The following CBFA2T2 variants were observed in gnomAD, a reference collection of about 807,000 sequenced individuals.
CBFA2T2 encodes the protein CBFA2/RUNX1 partner transcriptional co-repressor 2.
CBFA2T2 carries 11 observed loss-of-function variants against 62.2 expected under a neutral mutation model. The observed-to-expected ratio is 0.18, with a 90% CI of 0.11 to 0.29. The LOEUF is 0.29. CBFA2T2 is among the 10% of genes least tolerant of loss of function. The pLI is 1.00. For missense variants in CBFA2T2, 592 were observed against 774.1 expected, an observed-to-expected ratio of 0.76 and a Z score of 2.79; for synonymous variants, 295 against 287.5, an observed-to-expected ratio of 1.03 and a Z score of -0.27.
At chr20:33,516,519 A>G (rs2146858276) in intron 1 of CBFA2T2, among the ~76,000 whole-genome samples, 2 of 152,104 alleles carry the variant, frequency 1.3e-5, no homozygotes, top group Non-Finnish European at 2.9e-5. Flanking sequence ...TCACGCCTAT[A>G]ATCCTAGACT....
intron 1 of CBFA2T2, among the ~76,000 whole-genome samples, chr20:33,593,784 T>G (rs936676658): frequency 1.0e-5 from 1 of 99,448 alleles, no homozygotes; most frequent in East Asian, 5.1e-4. Context: ...CATTCACTCA[T>G]GAAAGAGTAA....
At chr20:33,530,386 A>T (rs902014428) in intron 1 of CBFA2T2, among the ~76,000 whole-genome samples, 1 of 152,174 alleles carries the variant, frequency 6.6e-6, no homozygotes, top group African/African-American at 2.4e-5. Context: ...CCAGCAAAAT[A>T]GCCTGATTGA....
At chr20:33,575,215 T>C (rs561931794) in intron 1 of CBFA2T2, among the ~76,000 whole-genome samples, 12 of 152,364 alleles carry the variant, frequency 7.9e-5, no homozygotes, top group South Asian at 2.1e-4. Context: ...GAAACACTTA[T>C]TTTCTAGTCA....
intron 1 of CBFA2T2, among the ~76,000 whole-genome samples, chr20:33,549,036 A>G (rs1231569128): frequency 6.6e-6 from 1 of 152,204 alleles, no homozygotes; most frequent in East Asian, 1.9e-4. Context: ...AGAATGAGCT[A>G]TATAAAAGTG....
intron 9 of CBFA2T2, among the ~76,000 whole-genome samples, chr20:33,640,107 G>A (rs534887157): frequency 7.9e-5 from 12 of 152,338 alleles, no homozygotes; most frequent in African/African-American, 2.6e-4. Flanking sequence ...AGTCAGGAGA[G>A]TGTGGCCTGT....
chr20:33,606,838 A>G, intron 1 of CBFA2T2, 118 bp from the exon 2 acceptor site: 1 of 877,304 alleles, frequency 1.1e-6, no homozygotes. Flanking sequence ...TTAGGGGGTC[A>G]CTATTCAGCC....
At chr20:33,592,712 T>C (rs2014714757) in intron 1 of CBFA2T2, among the ~76,000 whole-genome samples, 1 of 151,834 alleles carries the variant, frequency 6.6e-6, no homozygotes, top group African/African-American at 2.4e-5. Flanking sequence ...ACAAAATTCA[T>C]GCAACATTAC....
At chr20:33,589,740 C>T (rs1271385461) in intron 1 of CBFA2T2, among the ~76,000 whole-genome samples, 1 of 152,152 alleles carries the variant, frequency 6.6e-6, no homozygotes. Context: ...TGAATCCAGC[C>T]ACTGCCTCAT....
intron 2 of CBFA2T2, among the ~76,000 whole-genome samples, chr20:33,608,059 C>T (rs2015401240): frequency 6.6e-6 from 1 of 152,176 alleles, no homozygotes; most frequent in African/African-American, 2.4e-5. Flanking sequence ...TAATTTAGTA[C>T]ATCTTTTGGA....
At position 33,648,558 on chromosome 20, in the gene CBFA2T2, A is replaced by C. The variant is rs1267386274; in HGVS notation, c.*3912A>C. The C allele has an allele frequency of 6.6e-6, 1 of 152,198 alleles. No individual in the cohort carries two copies. Among genetic ancestry groups the C allele is most frequent in the African/African-American group, 2.4e-5 (1 of 41,422 alleles). The allele number at this position is 152,198 out of a possible 1,614,324, so 9.4% of individuals were successfully genotyped here. ...ACTTCGGGAGGTGGGGGCACTCCACACTGGGGGGCCCTGCAGCTCCAGGGC... is the reference window on the plus strand; with the variant it reads ...ACTTCGGGAGGTGGGGGCACTCCACCCTGGGGGGCCCTGCAGCTCCAGGGC... On this transcript the variant is annotated 3_prime_UTR_variant, in exon 11 of 11. Transcript: ENST00000342704.
chr20:33,547,687 ATGTGTGTGTGTGTGTGTGTGTG>A (rs60988030), intron 1 of CBFA2T2, among the ~76,000 whole-genome samples: 2 of 139,072 alleles, frequency 1.4e-5, no homozygotes, highest in African/African-American at 2.7e-5. Flanking sequence ...TCTCAAAAAA[ATGTGTGTGTGTGTGTGTGTGTG>A]TGTGTGTGTG....
At chr20:33,598,290 G>A (rs1601035289) in intron 1 of CBFA2T2, among the ~76,000 whole-genome samples, 1 of 152,100 alleles carries the variant, frequency 6.6e-6, no homozygotes, top group South Asian at 2.1e-4. Context: ...GAGCACTATG[G>A]GAGACTGGGG....
chr20:33,494,369 C>G (rs2011178020), intron 1 of CBFA2T2, among the ~76,000 whole-genome samples: 1 of 138,918 alleles, frequency 7.2e-6, no homozygotes, highest in African/African-American at 2.7e-5. Context: ...GCAAGCTCCA[C>G]CTCCTGGGTT....
At chr20:33,616,840 C>T (rs893028343) in intron 3 of CBFA2T2, among the ~76,000 whole-genome samples, 12 of 152,150 alleles carry the variant, frequency 7.9e-5, no homozygotes, top group African/African-American at 2.9e-4. Flanking sequence ...TACCTCTCAA[C>T]GTTCTTCTCT....
chr20:33,491,369 T>C (rs2011145465), intron 1 of CBFA2T2, among the ~76,000 whole-genome samples: 2 of 152,048 alleles, frequency 1.3e-5, no homozygotes, highest in Admixed American at 1.3e-4. Flanking sequence ...GATAAACATG[T>C]TTTGCATGTT....
intron 8 of CBFA2T2, among the ~76,000 whole-genome samples, chr20:33,633,378 AAAT>A (rs1264261985): frequency 0.017 from 673 of 39,198 alleles, 6 homozygotes; most frequent in African/African-American, 0.11. Flanking sequence ...CGCAAAAAAA[AAAT>A]AAATAAATAA....
At chr20:33,641,191 C>G (rs912982142) in intron 10 of CBFA2T2, among the ~76,000 whole-genome samples, 1 of 152,124 alleles carries the variant, frequency 6.6e-6, no homozygotes, top group Middle Eastern at 3.2e-3. Context: ...TGCCACCACA[C>G]CCGGCTAATT....
chr20:33,573,321 A>G (rs1485031992), intron 1 of CBFA2T2, among the ~76,000 whole-genome samples: 8 of 152,102 alleles, frequency 5.3e-5, no homozygotes, highest in African/African-American at 1.7e-4. Flanking sequence ...AGAAAGGGAA[A>G]GGGTTTAAGG....
At chr20:33,494,262 TATATATA>T (rs1231595899) in intron 1 of CBFA2T2, among the ~76,000 whole-genome samples, 97 of 77,852 alleles carry the variant, frequency 1.2e-3, no homozygotes, top group African/African-American at 4.5e-3. Context: ...TATATATATA[TATATATA>T]TATATTTTTT....
Sources: gnomAD v4.1 joint callset for allele counts (sites outside exome capture counted in the v4.1 genomes callset) on GRCh38, gnomAD v4.1.1 for gene constraint, MANE v1.5 for transcripts, NCBI Gene and HGNC (gene_info 2026-07-23, HGNC 2026-07-21) for gene names.